Variants in TFB1M observed in about 807,000 individuals in gnomAD.
TFB1M encodes dimethyladenosine transferase 1, mitochondrial.
A neutral mutation model predicts 31.1 loss-of-function variants in TFB1M; 27 were observed. That is an observed-to-expected ratio of 0.87 (90% confidence interval 0.64 to 1.20). The LOEUF (loss-of-function observed/expected upper bound fraction) is 1.20. TFB1M is among the 50% of genes most tolerant of loss of function. TFB1M has a pLI of 0.00. For synonymous variants in TFB1M, 166 were observed against 151.8 expected, an observed-to-expected ratio of 1.09 and a Z score of -0.69; for missense variants, 394 against 418.7, an observed-to-expected ratio of 0.94 and a Z score of 0.51.
At position 155,311,437 on chromosome 6, in the gene TFB1M, CCAAT is replaced by C. The variant is rs1778014483; in HGVS notation, c.134-102_134-99del. On this transcript the variant is annotated intron_variant, in intron 1 of 6. Coordinates refer to ENST00000367166, the MANE Select transcript of TFB1M (RefSeq NM_016020.4). ...TCTTCTATAAAAATTCAGCCATTAC[CCAAT>C]CAATTGATCCTTTATGTATAATATT... The C allele has an allele frequency of 1.4e-5, 13 of 950,134 alleles. No individual in the cohort carries two copies. The East Asian group carries it at 2.8e-4, about 21-fold the overall frequency. The allele number at this position is 950,134 out of a possible 1,614,324, so 58.9% of individuals were successfully genotyped here.
At chr6:155,264,836 G>C (rs1373200909) in intron 5 of TFB1M, among the ~76,000 whole-genome samples, 1 of 152,114 alleles carries the variant, frequency 6.6e-6, no homozygotes, top group Non-Finnish European at 1.5e-5. Flanking sequence ...ATGTACATAT[G>C]TATGTATGTA....
the TFB1M span, among the ~76,000 whole-genome samples, chr6:155,230,096 C>T: frequency 3.3e-5 from 5 of 152,070 alleles, no homozygotes; most frequent in African/African-American, 1.2e-4. Flanking sequence ...TACAAATCCA[C>T]CACATAGCCC....
chr6:155,267,044 G>A (rs1296250244), intron 5 of TFB1M, among the ~76,000 whole-genome samples: 3 of 148,302 alleles, frequency 2.0e-5, no homozygotes, highest in African/African-American at 5.0e-5. Flanking sequence ...GCATGATCTC[G>A]GCTCACTGCA....
At chr6:155,292,898 C>T (rs892254034) in intron 4 of TFB1M, among the ~76,000 whole-genome samples, 4 of 152,104 alleles carry the variant, frequency 2.6e-5, no homozygotes, top group Non-Finnish European at 5.9e-5. Flanking sequence ...GACATGATCA[C>T]GGCTCACTGT....
chr6:155,252,780 G>A, downstream of TFB1M: 1 of 596,726 alleles, frequency 1.7e-6, no homozygotes, highest in African/African-American at 1.9e-5. Context: ...AGCATGTGAG[G>A]TCTTTGAGAA....
intron 2 of TFB1M, among the ~76,000 whole-genome samples, chr6:155,308,590 C>A (rs750004739): frequency 6.6e-6 from 1 of 152,108 alleles, no homozygotes; most frequent in Non-Finnish European, 1.5e-5. Flanking sequence ...CTGAAGTCTG[C>A]GTCTTTACCA....
the TFB1M span, chr6:155,245,690 T>C: frequency 6.2e-7 from 1 of 1,613,936 alleles, no homozygotes; most frequent in Non-Finnish European, 8.5e-7. Context: ...TACAGTGGAT[T>C]CTGTGCTAAC....
chr6:155,291,940 G>A (rs763442551), intron 4 of TFB1M, among the ~76,000 whole-genome samples: 1 of 152,206 alleles, frequency 6.6e-6, no homozygotes, highest in Non-Finnish European at 1.5e-5. Flanking sequence ...AGAGTCTATT[G>A]ATTTCAAACA....
At chr6:155,246,351 C>A in the TFB1M span, among the ~76,000 whole-genome samples, 5 of 152,136 alleles carry the variant, frequency 3.3e-5, no homozygotes, top group Non-Finnish European at 4.4e-5. Context: ...AAAAGCCCCA[C>A]ATTTAAAAAG....
the TFB1M span, among the ~76,000 whole-genome samples, chr6:155,246,832 T>G: frequency 2.6e-5 from 4 of 152,380 alleles, no homozygotes; most frequent in African/African-American, 9.6e-5. Flanking sequence ...TTGCATCTCC[T>G]AGAATGTTGT....
intron 2 of TFB1M, among the ~76,000 whole-genome samples, chr6:155,310,531 A>G (rs1777968853): frequency 6.6e-6 from 1 of 152,198 alleles, no homozygotes; most frequent in East Asian, 1.9e-4. Flanking sequence ...GCTGCTATAT[A>G]CACTCTTACC....
the TFB1M span, among the ~76,000 whole-genome samples, chr6:155,236,836 C>T: frequency 6.6e-6 from 1 of 152,160 alleles, no homozygotes; most frequent in African/African-American, 2.4e-5. Context: ...TCCCACTGGG[C>T]CCCTCCCACA....
At chr6:155,293,819 A>G (rs949045707) in intron 4 of TFB1M, among the ~76,000 whole-genome samples, 14 of 151,982 alleles carry the variant, frequency 9.2e-5, no homozygotes, top group African/African-American at 3.1e-4. Context: ...TGTTATATTT[A>G]GTTTTCTATT....
At chr6:155,252,670 C>A (rs1783737844), downstream of TFB1M, among the ~76,000 whole-genome samples, 1 of 152,174 alleles carries the variant, frequency 6.6e-6, no homozygotes, top group South Asian at 2.1e-4. Flanking sequence ...ATTGGTTTAC[C>A]ATTCAGAGGC....
chr6:155,297,228 G>C, intron 3 of TFB1M, 124 bp from the exon 4 acceptor site: 1 of 1,042,744 alleles, frequency 9.6e-7, no homozygotes, highest in South Asian at 1.5e-5. Context: ...AATAGACATG[G>C]CTAAATTTTT....
At chr6:155,305,660 T>A (rs1777711387) in intron 2 of TFB1M, among the ~76,000 whole-genome samples, 1 of 49,618 alleles carries the variant, frequency 2.0e-5, no homozygotes, top group Non-Finnish European at 3.7e-5. Context: ...ATTATATATT[T>A]ATATATATAA....
intron 4 of TFB1M, among the ~76,000 whole-genome samples, chr6:155,295,763 T>C (rs76760658): frequency 0.05 from 7,636 of 152,282 alleles, 266 homozygotes; most frequent in East Asian, 0.18. Context: ...TGTACAGATT[T>C]TTCCCTTATC....
intron 5 of TFB1M, among the ~76,000 whole-genome samples, chr6:155,266,720 G>A (rs894081349): frequency 4.6e-5 from 7 of 151,826 alleles, no homozygotes; most frequent in African/African-American, 9.7e-5. Context: ...GGTGGCGGCC[G>A]CCTGTAGTCC....
At chr6:155,240,593 G>A in the TFB1M span, 1 of 1,614,176 alleles carries the variant, frequency 6.2e-7, no homozygotes, top group Non-Finnish European at 8.5e-7. Flanking sequence ...CGGCATGGAA[G>A]GACCGCGGGA....
Sources: allele counts gnomAD v4.1 joint callset (sites outside exome capture counted in the v4.1 genomes callset), GRCh38; gene constraint gnomAD v4.1.1; transcripts MANE v1.5; gene names NCBI Gene and HGNC (gene_info 2026-07-23, HGNC 2026-07-21).